Variants in SEMA3A observed in about 807,000 individuals in gnomAD.
SEMA3A encodes the protein semaphorin 3A, also known as semaphorin-3A.
A neutral mutation model predicts 97.9 loss-of-function variants in SEMA3A; 29 were observed. The ratio of observed to expected loss-of-function variants is 0.30; its 90% CI spans 0.22 to 0.40. The LOEUF (loss-of-function observed/expected upper bound fraction) is 0.40. Ranked by LOEUF, SEMA3A falls within the 10% of genes least tolerant of loss-of-function variation. The pLI, the probability that SEMA3A is intolerant of heterozygous loss-of-function variation, is 1.00. For missense variants in SEMA3A, 763 were observed against 951.3 expected (o/e 0.80, Z 2.60); for synonymous variants, 321 against 323.7 (o/e 0.99, Z 0.09).
At chr7:84,060,975 G>A (rs949638537) in intron 4 of SEMA3A, among the ~76,000 whole-genome samples, 1 of 152,164 alleles carries the variant, frequency 6.6e-6, no homozygotes, top group African/African-American at 2.4e-5. Context: ...TACGTTAGTT[G>A]TCTAGAATAA....
chr7:84,176,793 C>G (rs1797581226), intron 1 of SEMA3A, among the ~76,000 whole-genome samples: 1 of 152,054 alleles, frequency 6.6e-6, no homozygotes, highest in East Asian at 1.9e-4. Flanking sequence ...ATACTTCCAA[C>G]AATTCAGTCT....
At chr7:83,982,242 T>A (rs534827729) in intron 13 of SEMA3A, among the ~76,000 whole-genome samples, 1 of 152,182 alleles carries the variant, frequency 6.6e-6, no homozygotes, top group Non-Finnish European at 1.5e-5. Context: ...AAGAATTAAC[T>A]TCCTTATTAA....
chr7:83,963,113 A>T, intron 16 of SEMA3A, 92 bp downstream of exon 16: 1 of 1,369,666 alleles, frequency 7.3e-7, no homozygotes, highest in South Asian at 1.2e-5. Context: ...AAGCATTCTC[A>T]GTGCTTTTTC....
intron 1 of SEMA3A, among the ~76,000 whole-genome samples, chr7:84,176,016 G>C (rs554119029): frequency 3.4e-4 from 51 of 152,220 alleles, no homozygotes; most frequent in Admixed American, 3.0e-3. Flanking sequence ...GAAATTATTA[G>C]TATACTATGG....
chr7:84,441,156 C>A (rs1301387620), intron 1 of SEMA3A, among the ~76,000 whole-genome samples: 4 of 151,172 alleles, frequency 2.6e-5, no homozygotes, highest in African/African-American at 9.7e-5. Context: ...AAAACTCCAT[C>A]TCAATAAAAA....
chr7:83,964,967 A>G lies in SEMA3A; in HGVS notation c.1718-1620T>C, dbSNP rs765195094. 3.6e-4 allele frequency among the ~76,000 whole-genome samples: 55 copies of G among 152,274 alleles called. 2 individuals are homozygous for G. Among genetic ancestry groups the G allele is most frequent in the Middle Eastern group, 3.4e-3 (1 of 294 alleles). ...TGGGATACAGGTGAATTTAATTGCT[A>G]TGGCCAACAGGGGCTGGAAAATCTG... is the stretch of plus-strand genomic sequence containing the variant. On this transcript the variant is annotated intron_variant, in intron 15 of 16. Transcript: ENST00000265362.
chr7:84,042,533 A>T (rs1474350023), intron 6 of SEMA3A, among the ~76,000 whole-genome samples: 2 of 152,076 alleles, frequency 1.3e-5, no homozygotes, highest in East Asian at 3.9e-4. Context: ...TCCACCCAAC[A>T]GAAGTGGGAT....
At chr7:84,469,500 C>T (rs1035604293) in intron 1 of SEMA3A, among the ~76,000 whole-genome samples, 2 of 152,240 alleles carry the variant, frequency 1.3e-5, no homozygotes, top group East Asian at 3.9e-4. Context: ...GAAAGCTTTG[C>T]ATCTGATACA....
chr7:84,199,375 G>C (rs1798304032), upstream of SEMA3A, among the ~76,000 whole-genome samples: 1 of 152,100 alleles, frequency 6.6e-6, no homozygotes, highest in African/African-American at 2.4e-5. Flanking sequence ...ACCCTCAGAA[G>C]CAGATGACCT....
At chr7:84,479,370 G>A (rs1450087661) in intron 1 of SEMA3A, among the ~76,000 whole-genome samples, 1 of 152,168 alleles carries the variant, frequency 6.6e-6, no homozygotes, top group Non-Finnish European at 1.5e-5. Context: ...ACAGACATAG[G>A]TAAAGACCCT....
At chr7:84,134,696 AT>A in intron 2 of SEMA3A, 97 bp downstream of exon 2, 1 of 943,888 alleles carries the variant, frequency 1.1e-6, no homozygotes, top group Non-Finnish European at 1.5e-6. Flanking sequence ...ATTCAAAACA[AT>A]TTTCTGTCAG....
intron 1 of SEMA3A, among the ~76,000 whole-genome samples, chr7:84,380,482 G>A (rs1466745167): frequency 6.6e-6 from 1 of 152,168 alleles, no homozygotes; most frequent in African/African-American, 2.4e-5. Flanking sequence ...ATGGTTTTCT[G>A]AAATGGAATT....
At chr7:84,150,546 G>A (rs972372179) in intron 1 of SEMA3A, among the ~76,000 whole-genome samples, 21 of 152,094 alleles carry the variant, frequency 1.4e-4, no homozygotes, top group African/African-American at 4.3e-4. Context: ...CTTAAAAAAC[G>A]GCGCATCACG....
chr7:84,164,896 CAT>C (rs1483202730), intron 1 of SEMA3A, among the ~76,000 whole-genome samples: 4 of 152,100 alleles, frequency 2.6e-5, no homozygotes, highest in East Asian at 1.9e-4. Context: ...AAATTATTAA[CAT>C]GTGTATTTTA....
chr7:84,049,203 C>A (rs922724436), intron 5 of SEMA3A, among the ~76,000 whole-genome samples: 1 of 152,012 alleles, frequency 6.6e-6, no homozygotes, highest in Non-Finnish European at 1.5e-5. Context: ...AATTACCTCC[C>A]ACATGAATAT....
In SEMA3A at chr7:84,106,441, T is replaced by G. The variant is rs555386355; in HGVS notation, c.453+4029A>C. 3.3e-5 allele frequency among the ~76,000 whole-genome samples: 5 copies of G among 152,220 alleles called. No homozygotes were observed. The South Asian group carries it at 1.0e-3, about 32-fold the overall frequency. On this transcript the variant is annotated intron_variant, in intron 4 of 16. Transcript: ENST00000265362. ...TAGTAGGCTATCCCATCTAGATTGG[T>G]GTAAGTACACTCTATGATTTTTGCA...
chr7:84,481,067 G>A (rs1806430712), intron 1 of SEMA3A, among the ~76,000 whole-genome samples: 1 of 152,138 alleles, frequency 6.6e-6, no homozygotes, highest in Non-Finnish European at 1.5e-5. Flanking sequence ...TTGGAAAAGT[G>A]TGAGGAGAGA....
intron 4 of SEMA3A, among the ~76,000 whole-genome samples, chr7:84,091,184 G>GA (rs377474483): frequency 3.1e-5 from 2 of 64,686 alleles, no homozygotes; most frequent in African/African-American, 1.1e-4. Flanking sequence ...AAGAAAGAAA[G>GA]AAAGAAAGAA....
intron 3 of SEMA3A, among the ~76,000 whole-genome samples, chr7:84,280,290 G>C (rs898808489): frequency 6.6e-6 from 1 of 152,108 alleles, no homozygotes; most frequent in African/African-American, 2.4e-5. Context: ...TGCTTTATAT[G>C]CCTTTATTAG....
Sources: allele counts gnomAD v4.1 joint callset (sites outside exome capture counted in the v4.1 genomes callset), GRCh38; gene constraint gnomAD v4.1.1; transcripts MANE v1.5; gene names NCBI Gene and HGNC (gene_info 2026-07-23, HGNC 2026-07-21).